The following PRPF3 variants were observed in gnomAD, a reference collection of about 807,000 sequenced individuals.
PRPF3 encodes U4/U6 small nuclear ribonucleoprotein Prp3.
PRPF3 carries 3 observed loss-of-function variants against 89.2 expected under a neutral mutation model. That is an observed-to-expected ratio of 0.03 (90% CI 0.02 to 0.09). PRPF3 has a LOEUF of 0.09. Ranked by LOEUF, PRPF3 falls within the 10% of genes least tolerant of loss-of-function variation. The probability of loss-of-function intolerance (pLI) is 1.00; values close to 1 mark genes in which losing one functional copy is unlikely to be tolerated. For synonymous variants in PRPF3, 270 were observed against 289.1 expected, an observed-to-expected ratio of 0.93 and a Z score of 0.67; for missense variants, 463 against 828.8, an observed-to-expected ratio of 0.56 and a Z score of 5.42.
chr1:150,351,667 ATTTTTTTT>A (rs10692607), intron 15 of PRPF3, among the ~76,000 whole-genome samples: 3 of 94,442 alleles, frequency 3.2e-5, no homozygotes, highest in Non-Finnish European at 6.2e-5. Context: ...TGCCTGGCTA[ATTTTTTTT>A]TTTTTTTTTT....
At position 150,344,258 on chromosome 1, in the gene PRPF3, A is replaced by T. The variant is rs782281318; in HGVS notation, c.1523A>T (p.Gln508Leu). The T allele has an allele frequency of 8.7e-6, 14 of 1,614,078 alleles. No individual in the cohort carries two copies. In the East Asian group the frequency reaches 2.7e-4, roughly 31 times the overall value. Residue 508 changes from glutamine to leucine, a missense_variant, in exon 11 of 16, where the codon CAG (glutamine) becomes CTG (leucine). By Grantham distance (113) the Gln-to-Leu change is moderately radical. Coordinates refer to ENST00000324862, the MANE Select transcript of PRPF3 (RefSeq NM_004698.4). Reference sequence around the variant, plus strand: ...GTCAGAGCTCAGATGGCAAAAAGACAGAAGTAAGTGCCATGGGATTGGGTG... The same window carrying T: ...GTCAGAGCTCAGATGGCAAAAAGACTGAAGTAAGTGCCATGGGATTGGGTG... The part of the protein sequence containing the change: ...AHVRAQMAKR[Q>L]KAHEEANAAR...
At chr1:150,352,137 C>G (rs1370999116) in intron 15 of PRPF3, among the ~76,000 whole-genome samples, 2 of 152,138 alleles carry the variant, frequency 1.3e-5, no homozygotes, top group Non-Finnish European at 2.9e-5. Flanking sequence ...TCCCCGCCCC[C>G]AGTTGTTCTT....
chr1:150,339,584 G>A (rs1367467170), intron 8 of PRPF3, among the ~76,000 whole-genome samples: 2 of 151,794 alleles, frequency 1.3e-5, no homozygotes, highest in East Asian at 3.9e-4. Flanking sequence ...TTATAGGCAT[G>A]CACCACCACG....
chr1:150,350,751 A>G (rs1252736148), intron 15 of PRPF3, among the ~76,000 whole-genome samples: 1 of 151,676 alleles, frequency 6.6e-6, no homozygotes, highest in African/African-American at 2.4e-5. Flanking sequence ...ACTTGAGCTC[A>G]GGAGTTCAAG....
Position 150,349,241 on chromosome 1 carries a change from T to C in PRPF3, c.1905+23T>C, listed in dbSNP as rs587687473. The C allele has an allele frequency of 2.7e-5, 43 of 1,594,082 alleles. No homozygotes were observed. The South Asian group carries it at 4.1e-4, about 15-fold the overall frequency. On this transcript the variant is annotated intron_variant, in intron 15 of 15. Coordinates refer to ENST00000324862, the MANE Select transcript of PRPF3 (RefSeq NM_004698.4). ...GAGGTAGGTGATCCTTTGTAAAACA[T>C]TGTAAAACTTTAGCCAACTCCTGAA... is the stretch of plus-strand genomic sequence containing the variant.
rs1553873583 is a variant in PRPF3 at position 150,348,459 on chromosome 1, C to CTTTTTTTTTTTTTTTTTTT, written c.1844-698_1844-697insTTTTTTTTTTTTTTTTTTT. On this transcript the variant is annotated intron_variant, in intron 14 of 15. Transcript: ENST00000324862. ...TAAAAAATATTTTGTTCTACACGTG[C>CTTTTTTTTTTTTTTTTTTT]ATTTTTTTTTTTTTTTTTTTGAGAT... Among the ~76,000 whole-genome samples, 91 of 34,816 alleles carry CTTTTTTTTTTTTTTTTTTT rather than the reference C, an allele frequency of 2.6e-3. 2 individuals are homozygous for CTTTTTTTTTTTTTTTTTTT. The highest frequency in any genetic ancestry group is 8.3e-3 in the African/African-American group (88 of 10,604). 22.8% of individuals were successfully genotyped at this position (34,816 alleles called of 152,430 possible).
intron 6 of PRPF3, 75 bp from the exon 7 acceptor site, chr1:150,334,860 C>T (rs1440339982): frequency 1.8e-5 from 28 of 1,551,586 alleles, no homozygotes; most frequent in Non-Finnish European, 2.3e-5. Context: ...TGAGCCACCA[C>T]GCCTGGCTTT....
At chr1:150,344,392 C>T in intron 11 of PRPF3, 42 bp from the exon 12 acceptor site, 2 of 1,614,180 alleles carry the variant, frequency 1.2e-6, no homozygotes, top group Non-Finnish European at 1.7e-6. Context: ...CTCTGATCTT[C>T]AATGCCTTTC....
intron 14 of PRPF3, among the ~76,000 whole-genome samples, chr1:150,348,262 C>T (rs1236112531): frequency 6.6e-5 from 10 of 151,842 alleles, no homozygotes; most frequent in African/African-American, 1.7e-4. Context: ...CGCCTGTAAT[C>T]CCAGCTACTC....
At chr1:150,347,408 G>A (rs698917) in intron 14 of PRPF3, among the ~76,000 whole-genome samples, 91,948 of 151,704 alleles carry the variant, frequency 0.61, 28,428 homozygotes, top group African/African-American at 0.67. Flanking sequence ...CAATAAACCT[G>A]AGATAAATTG....
chr1:150,330,380 G>C (rs1553865080), intron 4 of PRPF3: 1 of 151,166 alleles, frequency 6.6e-6, no homozygotes. Flanking sequence ...GTGGGGGATG[G>C]AGTCTTGCTC....
chr1:150,332,641 A>G (rs200788137), intron 4 of PRPF3, 43 bp from the exon 5 acceptor site: 2 of 1,587,098 alleles, frequency 1.3e-6, no homozygotes, highest in African/African-American at 1.3e-5. Context: ...GAGAAGTAAG[A>G]AGGAGAAATT....
At chr1:150,325,971 C>G in intron 3 of PRPF3, 90 bp downstream of exon 3, 1 of 1,491,554 alleles carries the variant, frequency 6.7e-7, no homozygotes, top group Non-Finnish European at 9.3e-7. Context: ...TTGATATCCT[C>G]TATTTAGAGC....
chr1:150,338,093 A>T, intron 7 of PRPF3, 67 bp from the exon 8 acceptor site: 43 of 1,395,786 alleles, frequency 3.1e-5, no homozygotes, highest in Admixed American at 2.1e-4. Flanking sequence ...AAAAAAATTG[A>T]GATTCTACAC....
At position 150,338,495 on chromosome 1, in the gene PRPF3, G is replaced by GTATTTT. The variant is rs1467846345; in HGVS notation, c.1202+170_1202+171insATTTTT. On this transcript the variant is annotated intron_variant, in intron 8 of 15. Transcript: ENST00000324862. ...GATAAGTAACTGTACACAAGGTCCT[G>GTATTTT]TTATTTTTTTTTTTTTTTTTTTTGA... is the stretch of plus-strand genomic sequence containing the variant. Among the ~76,000 whole-genome samples, 15 of 35,760 alleles carry GTATTTT rather than the reference G, an allele frequency of 4.2e-4. 7 individuals are homozygous for GTATTTT. Among genetic ancestry groups the GTATTTT allele is most frequent in the Admixed American group, 7.3e-4 (2 of 2,754 alleles). The allele number at this position is 35,760 out of a possible 152,430, so 23.5% of individuals were successfully genotyped here.
intron 3 of PRPF3, 89 bp from the exon 4 acceptor site, chr1:150,328,231 G>T: frequency 6.6e-7 from 1 of 1,523,438 alleles, no homozygotes. Flanking sequence ...CCTGGGAATA[G>T]CCAGAAAATG....
rs782042725 is a variant in PRPF3 at position 150,349,204 on chromosome 1, G to A, written c.1891G>A (p.Val631Ile). The change falls in exon 15 of 16, where the codon GTA (valine) becomes ATA (isoleucine). Residue 631 changes from valine (V) to isoleucine (I), a missense_variant. Physicochemically the swap from Val to Ile is conservative, Grantham distance 29. Transcript: ENST00000324862. ...AGCTGTGAAGAAAACCAACAAATGTGTACTAGTCTGGGAGGTAGGTGATCC... is the reference window on the plus strand; with the variant it reads ...AGCTGTGAAGAAAACCAACAAATGTATACTAGTCTGGGAGGTAGGTGATCC... The part of the protein sequence containing the change: ...EEAVKKTNKC[V>I]LVWEGTAKDR... 23 of 1,613,446 alleles carry A rather than the reference G, an allele frequency of 1.4e-5. No individual in the cohort carries two copies. The Admixed American group carries it at 3.7e-4, about 26-fold the overall frequency.
intron 8 of PRPF3, among the ~76,000 whole-genome samples, chr1:150,339,778 C>T (rs1282073747): frequency 7.3e-6 from 1 of 137,394 alleles, no homozygotes; most frequent in Admixed American, 7.6e-5. Context: ...GAGTCTCACT[C>T]TGTTGCACAA....
chr1:150,332,897 A>T, intron 5 of PRPF3, 82 bp from the exon 6 acceptor site: 2 of 1,483,974 alleles, frequency 1.3e-6, no homozygotes, highest in Non-Finnish European at 1.9e-6. Flanking sequence ...GTCTACCATG[A>T]TGTGTGTGTA....
Sources: gnomAD v4.1 joint callset for allele counts (sites outside exome capture counted in the v4.1 genomes callset) on GRCh38, gnomAD v4.1.1 for gene constraint, MANE v1.5 for transcripts, NCBI Gene and HGNC (gene_info 2026-07-23, HGNC 2026-07-21) for gene names.